Variants in TRAPPC9 observed in about 807,000 individuals in gnomAD.
TRAPPC9 encodes IKK2 binding protein.
TRAPPC9 carries 83 observed loss-of-function variants against 124.0 expected under a neutral mutation model. That is an observed-to-expected ratio of 0.67 (90% confidence interval 0.56 to 0.80). TRAPPC9 has a LOEUF of 0.80. Among genes scored for constraint, TRAPPC9 ranks in the 30% least tolerant of loss-of-function variants. The pLI is 0.00. For missense variants in TRAPPC9, 1,302 were observed against 1,508.3 expected (o/e 0.86, Z 2.27); for synonymous variants, 638 against 617.5 (o/e 1.03, Z -0.49).
At chr8:139,736,101 TG>T in intron 21 of TRAPPC9, among the ~76,000 whole-genome samples, 1 of 152,286 alleles carries the variant, frequency 6.6e-6, no homozygotes. Context: ...CCTCCCAGAC[TG>T]GGGGCAGGGG....
intron 17 of TRAPPC9, among the ~76,000 whole-genome samples, chr8:140,209,538 C>T (rs1453165399): frequency 6.6e-6 from 1 of 152,198 alleles, no homozygotes; most frequent in African/African-American, 2.4e-5. Flanking sequence ...AATTGTTGAG[C>T]AGATTAAAGG....
chr8:140,359,824 CAGG>C (rs1209171605), intron 9 of TRAPPC9, among the ~76,000 whole-genome samples: 1 of 151,978 alleles, frequency 6.6e-6, no homozygotes, highest in South Asian at 2.1e-4. Flanking sequence ...GGCCGAGGAG[CAGG>C]AGGAGATGGC....
intron 21 of TRAPPC9, among the ~76,000 whole-genome samples, chr8:139,794,976 G>A (rs1048368159): frequency 3.3e-5 from 5 of 152,194 alleles, no homozygotes; most frequent in Admixed American, 1.3e-4. Flanking sequence ...TGAGGAGAAC[G>A]CAGGGAATAA....
intron 17 of TRAPPC9, among the ~76,000 whole-genome samples, chr8:140,156,136 G>C (rs1242048202): frequency 2.0e-5 from 3 of 152,208 alleles, no homozygotes; most frequent in Non-Finnish European, 4.4e-5. Context: ...AATCAGAAGA[G>C]AACCACCACA....
chr8:140,125,676 G>A (rs1287307573), intron 17 of TRAPPC9, among the ~76,000 whole-genome samples: 2 of 134,238 alleles, frequency 1.5e-5, no homozygotes, highest in Non-Finnish European at 3.1e-5. Flanking sequence ...CTCACCACAA[G>A]CTCCACCTCC....
intron 7 of TRAPPC9, among the ~76,000 whole-genome samples, chr8:140,387,507 T>C (rs1016399247): frequency 1.3e-5 from 2 of 150,870 alleles, no homozygotes; most frequent in African/African-American, 2.4e-5. Flanking sequence ...GAATCTACAA[T>C]GAACTCAAAC....
chr8:139,852,411 C>T (rs1018376249), intron 21 of TRAPPC9, among the ~76,000 whole-genome samples: 1 of 152,134 alleles, frequency 6.6e-6, no homozygotes, highest in African/African-American at 2.4e-5. Flanking sequence ...GGTTGATGCC[C>T]GCCTTCCCCA....
intron 5 of TRAPPC9, among the ~76,000 whole-genome samples, chr8:140,416,529 T>C (rs1033046437): frequency 2.0e-5 from 3 of 152,102 alleles, no homozygotes; most frequent in African/African-American, 7.2e-5. Flanking sequence ...AAGGACCTCT[T>C]CAAGGAGAAC....
chr8:139,799,762 G>C (rs948076218), intron 21 of TRAPPC9, among the ~76,000 whole-genome samples: 1 of 152,216 alleles, frequency 6.6e-6, no homozygotes, highest in African/African-American at 2.4e-5. Context: ...GGAAGGAGCG[G>C]GGCTGGGCAG....
intron 19 of TRAPPC9, among the ~76,000 whole-genome samples, chr8:139,930,737 T>C (rs1021034174): frequency 6.6e-6 from 1 of 152,154 alleles, no homozygotes; most frequent in African/African-American, 2.4e-5. Flanking sequence ...GAGCTGGAGC[T>C]CCCTTAGAAA....
At chr8:140,150,293 C>G (rs2061524043) in intron 17 of TRAPPC9, among the ~76,000 whole-genome samples, 1 of 152,062 alleles carries the variant, frequency 6.6e-6, no homozygotes, top group Non-Finnish European at 1.5e-5. Context: ...ACTAAAAATA[C>G]AAAACATTAG....
At chr8:140,169,752 CG>C (rs2061928985) in intron 17 of TRAPPC9, among the ~76,000 whole-genome samples, 1 of 152,072 alleles carries the variant, frequency 6.6e-6, no homozygotes. Context: ...TTTTCAGAGC[CG>C]GGGTCGGGAG....
chr8:139,883,192 C>T (rs1031207746), intron 21 of TRAPPC9, among the ~76,000 whole-genome samples: 10 of 152,194 alleles, frequency 6.6e-5, no homozygotes, highest in Admixed American at 2.0e-4. Flanking sequence ...CACATGAGTA[C>T]GCTCAGCTCC....
intron 21 of TRAPPC9, among the ~76,000 whole-genome samples, chr8:139,849,433 G>C (rs28513548): frequency 0.33 from 49,882 of 152,126 alleles, 8,362 homozygotes; most frequent in East Asian, 0.51. Flanking sequence ...AACCAGAACA[G>C]GTGTAGCTGC....
intron 16 of TRAPPC9, among the ~76,000 whole-genome samples, chr8:140,234,061 A>T (rs146214050): frequency 1.3e-5 from 2 of 152,210 alleles, no homozygotes; most frequent in African/African-American, 4.8e-5. Flanking sequence ...ATAATGAGTC[A>T]TTGAGATCAG....
intron 17 of TRAPPC9, among the ~76,000 whole-genome samples, chr8:140,117,296 T>C (rs796716216): frequency 2.3e-4 from 35 of 152,348 alleles, no homozygotes; most frequent in African/African-American, 8.2e-4. Context: ...TATTTTGTGC[T>C]GGTGTAATAG....
At chr8:140,242,611 G>A (rs2063886372) in intron 16 of TRAPPC9, among the ~76,000 whole-genome samples, 3 of 152,228 alleles carry the variant, frequency 2.0e-5, no homozygotes, top group Admixed American at 6.5e-5. Context: ...CAGGAAGCCA[G>A]CTAAAAACAT....
intron 4 of TRAPPC9, among the ~76,000 whole-genome samples, chr8:140,427,511 T>C (rs1415290070): frequency 6.6e-6 from 1 of 152,172 alleles, no homozygotes; most frequent in African/African-American, 2.4e-5. Flanking sequence ...TTCACTATTA[T>C]GAAGAAACTT....
chr8:140,128,321 A>C (rs1453322109), intron 17 of TRAPPC9, among the ~76,000 whole-genome samples: 2 of 152,230 alleles, frequency 1.3e-5, no homozygotes, highest in Non-Finnish European at 2.9e-5. Flanking sequence ...TTTTCATGGA[A>C]ACCAGCTCCA....
Sources: gnomAD v4.1 joint callset for allele counts (sites outside exome capture counted in the v4.1 genomes callset) on GRCh38, gnomAD v4.1.1 for gene constraint, MANE v1.5 for transcripts, NCBI Gene and HGNC (gene_info 2026-07-23, HGNC 2026-07-21) for gene names.